ENTREP1: variants seen among roughly 807,000 people sequenced by gnomAD.
ENTREP1 encodes the protein Friedreich ataxia region gene X123.
chr9:69,377,894 A>G, the ENTREP1 span: 3 of 769,742 alleles, frequency 3.9e-6, no homozygotes, highest in Non-Finnish European at 6.0e-6. Context: ...TAGCCCAATG[A>G]GTGACAAAAT....
chr9:69,346,531 C>G, the ENTREP1 span, among the ~76,000 whole-genome samples: 1 of 152,030 alleles, frequency 6.6e-6, no homozygotes, highest in Admixed American at 6.6e-5. Context: ...GAAATTATGA[C>G]TTTTTTTACT....
the ENTREP1 span, chr9:69,380,353 G>C: frequency 6.6e-6 from 1 of 152,316 alleles, no homozygotes; most frequent in African/African-American, 2.4e-5. Flanking sequence ...ACCTCAGTTG[G>C]TAATTTTCTT....
At chr9:69,378,018 C>CTT in the ENTREP1 span, among the ~76,000 whole-genome samples, 4 of 151,988 alleles carry the variant, frequency 2.6e-5, no homozygotes, top group African/African-American at 4.8e-5. Flanking sequence ...CTCTGTCTCT[C>CTT]TCTCTCTGTT....
At chr9:69,337,813 T>G in the ENTREP1 span, among the ~76,000 whole-genome samples, 3 of 152,204 alleles carry the variant, frequency 2.0e-5, no homozygotes, top group Non-Finnish European at 4.4e-5. Context: ...TAATATCTCT[T>G]ATTTTTATTT....
the ENTREP1 span, among the ~76,000 whole-genome samples, chr9:69,346,475 C>A: frequency 7.2e-5 from 11 of 151,988 alleles, no homozygotes; most frequent in Non-Finnish European, 1.5e-4. Context: ...TTCTTAATTT[C>A]TGAACTTTGG....
chr9:69,371,758 C>A, the ENTREP1 span: 1 of 632,494 alleles, frequency 1.6e-6, no homozygotes. Context: ...AAACAAAGAG[C>A]TGCCTGCTGA....
At chr9:69,336,204 T>C in the ENTREP1 span, 3 of 1,492,998 alleles carry the variant, frequency 2.0e-6, no homozygotes, top group South Asian at 1.2e-5. Context: ...TGATAGTTTA[T>C]CCTTACAGGT....
the ENTREP1 span, chr9:69,377,531 C>T: frequency 1.9e-6 from 3 of 1,606,812 alleles, no homozygotes; most frequent in Middle Eastern, 1.7e-4. Flanking sequence ...AGCCCATGGA[C>T]CCCTTCGTGT....
chr9:69,352,338 C>T, the ENTREP1 span, among the ~76,000 whole-genome samples: 6 of 152,016 alleles, frequency 3.9e-5, no homozygotes, highest in South Asian at 2.1e-4. Context: ...AGGCTGGTCT[C>T]GAACTCCTAA....
chr9:69,374,578 C>G, the ENTREP1 span, among the ~76,000 whole-genome samples: 2 of 152,106 alleles, frequency 1.3e-5, no homozygotes, highest in Non-Finnish European at 1.5e-5. Flanking sequence ...TCTGATGAAG[C>G]CAGAGTGAGA....
the ENTREP1 span, chr9:69,325,605 C>T: frequency 5.7e-6 from 7 of 1,229,612 alleles, no homozygotes; most frequent in Non-Finnish European, 7.1e-6. Context: ...CCGCTGCTGT[C>T]ACTTGGGCTG....
chr9:69,324,891 G>C, the ENTREP1 span: 1 of 985,108 alleles, frequency 1.0e-6, no homozygotes, highest in Non-Finnish European at 1.2e-6. Context: ...CTCGGTGGCC[G>C]GCGCTGACGT....
At chr9:69,390,200 A>G in the ENTREP1 span, among the ~76,000 whole-genome samples, 2 of 152,260 alleles carry the variant, frequency 1.3e-5, no homozygotes, top group African/African-American at 4.8e-5. Context: ...TGTAATTAGT[A>G]GACTGTTAAT....
chr9:69,380,349 G>C, the ENTREP1 span: 1 of 152,242 alleles, frequency 6.6e-6, no homozygotes, highest in African/African-American at 2.4e-5. Flanking sequence ...TTTAACCTCA[G>C]TTGGTAATTT....
At chr9:69,335,182 T>C in the ENTREP1 span, among the ~76,000 whole-genome samples, 3 of 152,246 alleles carry the variant, frequency 2.0e-5, no homozygotes, top group Non-Finnish European at 2.9e-5. Flanking sequence ...CATATATTAA[T>C]TGCCAACAAT....
chr9:69,391,974 A>G, the ENTREP1 span: 3 of 651,732 alleles, frequency 4.6e-6, no homozygotes, highest in Non-Finnish European at 8.1e-6. Context: ...GTAAATGCAC[A>G]GGTCGGTCCA....
the ENTREP1 span, among the ~76,000 whole-genome samples, chr9:69,373,551 A>T: frequency 6.6e-6 from 1 of 152,148 alleles, no homozygotes; most frequent in Non-Finnish European, 1.5e-5. Context: ...ACTTAGAGAT[A>T]GATTAAATAC....
At chr9:69,390,683 A>G in the ENTREP1 span, among the ~76,000 whole-genome samples, 66,202 of 152,032 alleles carry the variant, frequency 0.44, 14,960 homozygotes, top group African/African-American at 0.56. Flanking sequence ...TCTGTCACCC[A>G]GGCTAAAGTG....
chr9:69,377,876 A>T, the ENTREP1 span: 1 of 962,890 alleles, frequency 1.0e-6, no homozygotes, highest in Non-Finnish European at 1.5e-6. Flanking sequence ...TCCTGACTTG[A>T]GGAACGTTAG....
Sources: gnomAD v4.1 joint callset for allele counts (sites outside exome capture counted in the v4.1 genomes callset) on GRCh38, gnomAD v4.1.1 for gene constraint, MANE v1.5 for transcripts, NCBI Gene and HGNC (gene_info 2026-07-23, HGNC 2026-07-21) for gene names.